The following ATE1 variants were observed in gnomAD, a reference collection of about 807,000 sequenced individuals.
The protein encoded by ATE1 is arginyltransferase 1, also known as arginyl-tRNA--protein transferase 1.
ATE1 carries 36 observed loss-of-function variants against 70.5 expected under a neutral mutation model. The observed-to-expected ratio is 0.51, with a 90% CI of 0.39 to 0.67. ATE1 has a LOEUF of 0.67. Ranked by LOEUF, ATE1 falls within the 30% of genes least tolerant of loss-of-function variation. ATE1 has a pLI of 0.00. For missense variants in ATE1, 593 were observed against 629.5 expected, an observed-to-expected ratio of 0.94 and a Z score of 0.62; for synonymous variants, 232 against 219.3, an observed-to-expected ratio of 1.06 and a Z score of -0.51.
At chr10:121,751,940 T>C (rs1251912744) in intron 11 of ATE1, among the ~76,000 whole-genome samples, 1 of 152,058 alleles carries the variant, frequency 6.6e-6, no homozygotes, top group African/African-American at 2.4e-5. Context: ...CCACCTGTAA[T>C]CCCAGCACTT....
intron 10 of ATE1, among the ~76,000 whole-genome samples, chr10:121,797,529 G>A (rs1243918119): frequency 6.6e-6 from 1 of 150,972 alleles, no homozygotes; most frequent in Non-Finnish European, 1.5e-5. Context: ...TTATTGTGCT[G>A]ACTATCCATT....
In ATE1 at chr10:121,927,859, C is replaced by T. The variant is rs1952166213; in HGVS notation, c.91G>A (p.Gly31Ser). 4 of 1,579,240 alleles carry T rather than the reference C, an allele frequency of 2.5e-6. No individual in the cohort carries two copies. The highest frequency in any genetic ancestry group is 3.4e-6 in the Non-Finnish European group (4 of 1,165,942). Residue 31 changes from glycine (G) to serine (S), a missense_variant, in exon 1 of 12, where the codon GGC becomes AGC. Physicochemically the swap from Gly to Ser is moderately conservative, Grantham distance 56. Coordinates refer to ENST00000224652, the MANE Select transcript of ATE1 (RefSeq NM_001001976.3). ...YRCGYCKNES[G>S]SRSNGMWAHS... ...GCTCGCTCACCATTGGAGCGGCTGC[C>T]CGACTCGTTCTTGCAGTAGCCGCAG...
chr10:121,912,639 A>G (rs1427413563), intron 4 of ATE1, among the ~76,000 whole-genome samples: 2 of 151,792 alleles, frequency 1.3e-5, no homozygotes. Flanking sequence ...GCGACAGAGC[A>G]AGACTCCGTC....
rs371658724 is a variant in ATE1, at chr10:121,898,622, C to G, written c.942+1244G>C. Reference sequence around the variant, plus strand: ...GGATGACTGACCTTATAAACCACTACTTTCAGGTTCCTAGAGAAAACACTA... The same window carrying G: ...GGATGACTGACCTTATAAACCACTAGTTTCAGGTTCCTAGAGAAAACACTA... On this transcript the variant is annotated intron_variant, in intron 7 of 11. Coordinates refer to ENST00000224652, the MANE Select transcript of ATE1 (RefSeq NM_001001976.3). Among the ~76,000 whole-genome samples the G allele has an allele frequency of 1.4e-4, 22 of 152,240 alleles. 1 individual carries two copies. In the South Asian group the frequency reaches 4.4e-3, roughly 30 times the overall value.
At chr10:121,897,269 C>T (rs1950816428) in intron 7 of ATE1, among the ~76,000 whole-genome samples, 1 of 152,202 alleles carries the variant, frequency 6.6e-6, no homozygotes, top group Non-Finnish European at 1.5e-5. Flanking sequence ...TGAATAAATA[C>T]ACCGGGCCAC....
chr10:121,821,179 C>T lies in ATE1; in HGVS notation c.1257+15539G>A, dbSNP rs1334069741. The stretch of plus-strand genomic sequence containing the variant: ...CAGGATGGTCTCGATCTCCTGACCT[C>T]GTGATCCACCTGCCTCAGCCTCCCA... On this transcript the variant is annotated intron_variant, in intron 10 of 11. Coordinates refer to ENST00000224652, the MANE Select transcript of ATE1 (RefSeq NM_001001976.3). Among the ~76,000 whole-genome samples the T allele has an allele frequency of 6.6e-5, 10 of 152,240 alleles. No individual in the cohort carries two copies. In the East Asian group the frequency reaches 1.2e-3, roughly 18 times the overall value.
chr10:121,838,770 C>G (rs1474655659), intron 9 of ATE1, among the ~76,000 whole-genome samples: 2 of 151,992 alleles, frequency 1.3e-5, no homozygotes, highest in Non-Finnish European at 2.9e-5. Context: ...AATATGCAAA[C>G]AAATGCCATG....
chr10:121,906,970 GC>G (rs1202316773), intron 5 of ATE1, among the ~76,000 whole-genome samples: 1 of 152,066 alleles, frequency 6.6e-6, no homozygotes, highest in Non-Finnish European at 1.5e-5. Context: ...TAAGAACCCT[GC>G]AAAAATAGTT....
intron 10 of ATE1, among the ~76,000 whole-genome samples, chr10:121,796,032 GA>G (rs1380098906): frequency 6.6e-6 from 1 of 152,162 alleles, no homozygotes; most frequent in African/African-American, 2.4e-5. Flanking sequence ...AAGAAGAAAT[GA>G]GTTACCACAG....
chr10:121,813,449 C>T (rs1223702611), intron 10 of ATE1, among the ~76,000 whole-genome samples: 1 of 152,184 alleles, frequency 6.6e-6, no homozygotes, highest in Non-Finnish European at 1.5e-5. Flanking sequence ...TGTTACCCTC[C>T]CTAGTGGATA....
chr10:121,755,413 A>C (rs1186791568), intron 11 of ATE1, among the ~76,000 whole-genome samples: 1 of 152,250 alleles, frequency 6.6e-6, no homozygotes, highest in Non-Finnish European at 1.5e-5. Flanking sequence ...GTGATAAGGC[A>C]AATGTGGTAA....
chr10:121,833,527 A>C (rs1339057556), intron 10 of ATE1, among the ~76,000 whole-genome samples: 2 of 151,282 alleles, frequency 1.3e-5, no homozygotes, highest in African/African-American at 4.8e-5. Flanking sequence ...GTAAACTGCT[A>C]TGGGGTAGGT....
At chr10:121,843,463 G>T (rs1029559479) in intron 8 of ATE1, among the ~76,000 whole-genome samples, 6 of 152,088 alleles carry the variant, frequency 3.9e-5, no homozygotes, top group African/African-American at 1.4e-4. Context: ...AGAGACAAAA[G>T]TCTCAGACTA....
At chr10:121,792,060 G>A (rs541217382) in intron 10 of ATE1, among the ~76,000 whole-genome samples, 234 of 152,346 alleles carry the variant, frequency 1.5e-3, no homozygotes, top group South Asian at 5.6e-3. Flanking sequence ...CACAAAATGT[G>A]AGGAAACATT....
chr10:121,780,660 G>A (rs1350837252), intron 11 of ATE1, among the ~76,000 whole-genome samples: 1 of 152,160 alleles, frequency 6.6e-6, no homozygotes. Flanking sequence ...CATCTGGCCT[G>A]CTCTAAAGTC....
intron 10 of ATE1, among the ~76,000 whole-genome samples, chr10:121,805,405 C>T (rs1947055933): frequency 1.3e-5 from 2 of 152,206 alleles, no homozygotes; most frequent in South Asian, 4.2e-4. Context: ...GAGCACTATC[C>T]TAACTGCTTT....
chr10:121,856,197 G>A (rs1334366894), intron 8 of ATE1, among the ~76,000 whole-genome samples: 1 of 151,830 alleles, frequency 6.6e-6, no homozygotes, highest in Non-Finnish European at 1.5e-5. Flanking sequence ...AGAATTATTA[G>A]TATTAAGTAT....
chr10:121,794,839 C>T (rs1946599991), intron 10 of ATE1, among the ~76,000 whole-genome samples: 1 of 151,714 alleles, frequency 6.6e-6, no homozygotes, highest in African/African-American at 2.4e-5. Flanking sequence ...CTTTTGAGTC[C>T]TTAAGGTTAA....
At chr10:121,907,560 A>G (rs12263476) in intron 5 of ATE1, among the ~76,000 whole-genome samples, 20,124 of 152,034 alleles carry the variant, frequency 0.13, 1,534 homozygotes, top group East Asian at 0.19. Context: ...GGATCACGAG[A>G]TCAGGAGGTC....
Sources: allele counts gnomAD v4.1 joint callset (sites outside exome capture counted in the v4.1 genomes callset), GRCh38; gene constraint gnomAD v4.1.1; transcripts MANE v1.5; gene names NCBI Gene and HGNC (gene_info 2026-07-23, HGNC 2026-07-21).